Variants in CEP57L1 observed in about 807,000 individuals in gnomAD.
CEP57L1 encodes centrosomal protein CEP57L1.
Under a neutral mutation model 61.0 loss-of-function variants are expected in CEP57L1, and 37 were observed. The observed-to-expected ratio is 0.61, with a 90% CI of 0.47 to 0.80. CEP57L1 has a LOEUF of 0.80. CEP57L1 is among the 30% of genes least tolerant of loss of function. CEP57L1 has a pLI of 0.00. For missense variants in CEP57L1, 422 were observed against 524.7 expected, an observed-to-expected ratio of 0.80 and a Z score of 1.91; for synonymous variants, 137 against 162.3, an observed-to-expected ratio of 0.84 and a Z score of 1.19.
intron 1 of CEP57L1, among the ~76,000 whole-genome samples, chr6:109,134,856 G>A (rs1774650047): frequency 6.6e-6 from 1 of 152,070 alleles, no homozygotes; most frequent in South Asian, 2.1e-4. Context: ...CAACTTACAA[G>A]GGATGTGAAG....
intron 1 of CEP57L1, among the ~76,000 whole-genome samples, chr6:109,127,927 C>A (rs1773763638): frequency 6.6e-6 from 1 of 152,070 alleles, no homozygotes; most frequent in Admixed American, 6.6e-5. Flanking sequence ...TGCGGCCGAC[C>A]AAACCTGTGA....
At chr6:109,119,827 G>C (rs1272021361) in intron 1 of CEP57L1, among the ~76,000 whole-genome samples, 3 of 152,126 alleles carry the variant, frequency 2.0e-5, no homozygotes, top group Admixed American at 2.0e-4. Context: ...GTGATATACT[G>C]TTTATAGATT....
intron 6 of CEP57L1, among the ~76,000 whole-genome samples, 170 bp from the exon 7 acceptor site, chr6:109,155,621 T>C (rs906850638): frequency 6.6e-6 from 1 of 151,962 alleles, no homozygotes; most frequent in Non-Finnish European, 1.5e-5. Flanking sequence ...ATTATTGTAA[T>C]TACCAATAGA....
intron 1 of CEP57L1, among the ~76,000 whole-genome samples, chr6:109,136,196 A>C: frequency 6.6e-6 from 1 of 152,252 alleles, no homozygotes; most frequent in Admixed American, 6.5e-5. Flanking sequence ...CTGGATTAAG[A>C]AAATGTGGCA....
intron 1 of CEP57L1, among the ~76,000 whole-genome samples, chr6:109,098,890 G>A (rs944132037): frequency 6.6e-6 from 1 of 152,174 alleles, no homozygotes; most frequent in Non-Finnish European, 1.5e-5. Context: ...TAATAATCCA[G>A]GTGACAGAAT....
At chr6:109,136,999 C>T (rs1410874425) in intron 1 of CEP57L1, among the ~76,000 whole-genome samples, 1 of 152,062 alleles carries the variant, frequency 6.6e-6, no homozygotes, top group Non-Finnish European at 1.5e-5. Flanking sequence ...GCAATCCGCC[C>T]ACCTCCGCCT....
chr6:109,142,958 T>G lies in CEP57L1; in HGVS notation c.-3-2261T>G, dbSNP rs939047502. Among the ~76,000 whole-genome samples, 122 of 55,962 alleles carry G rather than the reference T, an allele frequency of 2.2e-3. 1 individual carries two copies. The highest frequency in any genetic ancestry group is 7.4e-3 in the African/African-American group (90 of 12,226). 36.7% of individuals were successfully genotyped at this position (55,962 alleles called of 152,430 possible). A position where few individuals can be genotyped will look rare whatever the true frequency, so the allele number is the denominator to read the frequency against. On this transcript the variant is annotated intron_variant, in intron 1 of 10. Transcript: ENST00000517392. ...CACTGTCTCTCTTGCTCTCTCTCTCTCTCTCTCTCTCTCTCTCTCTCTCTC... is the reference window on the plus strand; with the variant it reads ...CACTGTCTCTCTTGCTCTCTCTCTCGCTCTCTCTCTCTCTCTCTCTCTCTC...
At position 109,171,866 on chromosome 6, in the gene CEP57L1, T is replaced by C. The variant is rs1027603878; in HGVS notation, c.*8896T>C. Among the ~76,000 whole-genome samples, 2 of 152,102 alleles carry C rather than the reference T, an allele frequency of 1.3e-5. No individual in the cohort carries two copies. The highest frequency in any genetic ancestry group is 2.9e-5 in the Non-Finnish European group (2 of 68,024). On this transcript the variant is annotated 3_prime_UTR_variant, in exon 11 of 11. Transcript: ENST00000517392. ...AGACCAGGGATATAGTTATTAGTAATTTACAGGAAAGGCTCAAGGTTTCAT... is the reference window on the plus strand; with the variant it reads ...AGACCAGGGATATAGTTATTAGTAACTTACAGGAAAGGCTCAAGGTTTCAT...
At chr6:109,135,280 C>G (rs2114791817) in intron 1 of CEP57L1, among the ~76,000 whole-genome samples, 1 of 152,214 alleles carries the variant, frequency 6.6e-6, no homozygotes, top group Non-Finnish European at 1.5e-5. Flanking sequence ...ACTATGTGAT[C>G]TTTGACAAAC....
chr6:109,136,211 T>C (rs182504422), intron 1 of CEP57L1, among the ~76,000 whole-genome samples: 1 of 152,200 alleles, frequency 6.6e-6, no homozygotes, highest in Non-Finnish European at 1.5e-5. Context: ...GTGGCACATA[T>C]ACACCATGGA....
chr6:109,101,104 C>G (rs1413474620), intron 1 of CEP57L1, among the ~76,000 whole-genome samples: 2 of 152,054 alleles, frequency 1.3e-5, no homozygotes, highest in Non-Finnish European at 2.9e-5. Context: ...ATGACTCTGT[C>G]TTAGGAAAAA....
In CEP57L1 at chr6:109,171,389, TCAC is replaced by T. The variant is rs1226890507; in HGVS notation, c.*8423_*8425del. On this transcript the variant is annotated 3_prime_UTR_variant, in exon 11 of 11. Transcript: ENST00000517392. Reference sequence around the variant, plus strand: ...AAGTAGCTGGGATTACAGGCATGCGTCACCACACCCGGCTGTTTTTTTTTTTCG... The same window carrying T: ...AAGTAGCTGGGATTACAGGCATGCGTCACACCCGGCTGTTTTTTTTTTTCG... 6.6e-6 allele frequency among the ~76,000 whole-genome samples: 1 copy of T among 151,016 alleles called. No individual in the cohort carries two copies. Among genetic ancestry groups the T allele is most frequent in the African/African-American group, 2.4e-5 (1 of 40,938 alleles).
chr6:109,155,914 G>A lies in CEP57L1; in HGVS notation c.744+37G>A, dbSNP rs371240389. 3.6e-3 allele frequency: 3,348 copies of A among 932,198 alleles called. 115 individuals are homozygous for A. In the South Asian group the frequency reaches 0.047, roughly 13 times the overall value. The allele number at this position is 932,198 out of a possible 1,614,324, so 57.7% of individuals were successfully genotyped here. ...AAATTTTTTCCCAAACAAAAATACT[G>A]CTAATACTTATTTATATAACCTCTT... On this transcript the variant is annotated intron_variant, in intron 7 of 10. Coordinates refer to ENST00000517392, the MANE Select transcript of CEP57L1 (RefSeq NM_001271852.3).
chr6:109,129,015 A>G (rs1035856766), intron 1 of CEP57L1, among the ~76,000 whole-genome samples: 3 of 152,156 alleles, frequency 2.0e-5, no homozygotes, highest in African/African-American at 4.8e-5. Context: ...CCTGGCCAAC[A>G]TGGTGAAACT....
chr6:109,130,293 A>G (rs543291361), intron 1 of CEP57L1, among the ~76,000 whole-genome samples: 155 of 152,292 alleles, frequency 1.0e-3, no homozygotes, highest in African/African-American at 3.6e-3. Flanking sequence ...AAGTGGAAAC[A>G]CATATATGAC....
At chr6:109,103,707 T>C (rs150422034) in intron 1 of CEP57L1, among the ~76,000 whole-genome samples, 74 of 152,276 alleles carry the variant, frequency 4.9e-4, no homozygotes, top group African/African-American at 7.0e-4. Context: ...TATTAATGGA[T>C]AGATTTTTAA....
chr6:109,106,756 C>T lies in CEP57L1; in HGVS notation c.-4+11181C>T, dbSNP rs184667061. On this transcript the variant is annotated intron_variant, in intron 1 of 10. Transcript: ENST00000517392. ...TCAGCCTAAGCCAACATGGTGAAAC[C>T]CCCCTGTCTCTACTAAAAATACAAA... Among the ~76,000 whole-genome samples, 12 of 151,942 alleles carry T rather than the reference C, an allele frequency of 7.9e-5. No individual in the cohort carries two copies. The East Asian group carries it at 2.1e-3, about 27-fold the overall frequency.
Position 109,118,658 on chromosome 6 carries a change from A to G in CEP57L1, c.-4+23083A>G, listed in dbSNP as rs548225518. 2.0e-5 allele frequency among the ~76,000 whole-genome samples: 3 copies of G among 152,334 alleles called. No homozygotes were observed. In the South Asian group the frequency reaches 6.2e-4, roughly 32 times the overall value. On this transcript the variant is annotated intron_variant, in intron 1 of 10. Coordinates refer to ENST00000517392, the MANE Select transcript of CEP57L1 (RefSeq NM_001271852.3). ...TGGAATTATGACTTCTGAGCTCTCA[A>G]TACCAAGGAAAGCAATGTTATGACA...
chr6:109,097,875 ATG>A (rs1338410285), intron 1 of CEP57L1, among the ~76,000 whole-genome samples: 1 of 152,234 alleles, frequency 6.6e-6, no homozygotes, highest in Non-Finnish European at 1.5e-5. Flanking sequence ...TAACATTCTA[ATG>A]AAGAGAATTA....
Sources: allele counts gnomAD v4.1 joint callset (sites outside exome capture counted in the v4.1 genomes callset), GRCh38; gene constraint gnomAD v4.1.1; transcripts MANE v1.5; gene names NCBI Gene and HGNC (gene_info 2026-07-23, HGNC 2026-07-21).